The following GNAZ variants were observed in gnomAD, a reference collection of about 807,000 sequenced individuals.
GNAZ encodes the protein guanine nucleotide-binding protein G(z) subunit alpha.
GNAZ carries 3 observed loss-of-function variants against 25.4 expected under a neutral mutation model. That is an observed-to-expected ratio of 0.12 (90% confidence interval 0.05 to 0.30). The LOEUF (loss-of-function observed/expected upper bound fraction) is 0.30. Among genes scored for constraint, GNAZ ranks in the 10% least tolerant of loss-of-function variants. The probability of loss-of-function intolerance (pLI) is 1.00; values close to 1 mark genes in which losing one functional copy is unlikely to be tolerated. For synonymous variants in GNAZ, 211 were observed against 205.7 expected (o/e 1.03, Z -0.22); for missense variants, 241 against 501.8 (o/e 0.48, Z 4.97).
chr22:23,094,547 C>T (rs1357509830), intron 1 of GNAZ, among the ~76,000 whole-genome samples: 1 of 152,196 alleles, frequency 6.6e-6, no homozygotes, highest in African/African-American at 2.4e-5. Flanking sequence ...CACGTGCAGC[C>T]CCCAGCTCCT....
At chr22:23,119,449 T>C (rs2069945285) in intron 2 of GNAZ, among the ~76,000 whole-genome samples, 1 of 152,164 alleles carries the variant, frequency 6.6e-6, no homozygotes, top group South Asian at 2.1e-4. Flanking sequence ...TTGTCCCCCA[T>C]CTCTGAGAGC....
At chr22:23,073,853 C>T (rs1025767446) in intron 1 of GNAZ, among the ~76,000 whole-genome samples, 3 of 151,290 alleles carry the variant, frequency 2.0e-5, no homozygotes, top group African/African-American at 7.3e-5. Context: ...ACCAGACGGG[C>T]AGGGGTTGAC....
intron 2 of GNAZ, among the ~76,000 whole-genome samples, chr22:23,100,759 G>T (rs934444756): frequency 6.6e-6 from 1 of 152,166 alleles, no homozygotes; most frequent in African/African-American, 2.4e-5. Flanking sequence ...GGAAGAGCTG[G>T]AGCTCCAGAG....
chr22:23,119,751 C>G (rs753633169), intron 2 of GNAZ, among the ~76,000 whole-genome samples: 2 of 152,178 alleles, frequency 1.3e-5, no homozygotes, highest in Non-Finnish European at 2.9e-5. Context: ...CTGTCTGAGC[C>G]CGGAAGTGAG....
intron 2 of GNAZ, among the ~76,000 whole-genome samples, chr22:23,120,860 T>G (rs1253524519): frequency 5.3e-5 from 8 of 152,174 alleles, no homozygotes; most frequent in Admixed American, 5.2e-4. Flanking sequence ...CAGCAAGTGT[T>G]TGCTCAGTAA....
At chr22:23,082,135 CA>C (rs77916701) in intron 1 of GNAZ, among the ~76,000 whole-genome samples, 7,618 of 137,426 alleles carry the variant, frequency 0.055, 662 homozygotes, top group African/African-American at 0.18. Context: ...AAAAAAAAAA[CA>C]AAAAAAAAAA....
At position 23,095,406 on chromosome 22, in the gene GNAZ, G is replaced by A. The variant is rs559079877; in HGVS notation, c.-290G>A. 295 of 398,428 alleles carry A rather than the reference G, an allele frequency of 7.4e-4. 2 individuals carry two copies. The highest frequency in any genetic ancestry group is 2.0e-3 in the Middle Eastern group (3 of 1,504). 24.7% of individuals were successfully genotyped at this position (398,428 alleles called of 1,614,324 possible). ...AAACACAAGCGGACGGCTTCCCACC[G>A]TCGCCGAGGACAGGGAATGACTACG... On this transcript the variant is annotated 5_prime_UTR_variant, in exon 2 of 3. Coordinates refer to ENST00000615612, the MANE Select transcript of GNAZ (RefSeq NM_002073.4).
At chr22:23,082,745 G>A (rs888814660) in intron 1 of GNAZ, among the ~76,000 whole-genome samples, 2 of 151,998 alleles carry the variant, frequency 1.3e-5, no homozygotes, top group African/African-American at 4.8e-5. Context: ...GCCCACCCAA[G>A]CGGAAGAGTC....
chr22:23,095,411 C>T lies in GNAZ; in HGVS notation c.-285C>T, dbSNP rs561431682. On this transcript the variant is annotated 5_prime_UTR_variant, in exon 2 of 3. Transcript: ENST00000615612. ...CAAGCGGACGGCTTCCCACCGTCGCCGAGGACAGGGAATGACTACGGCAAA... is the reference window on the plus strand; with the variant it reads ...CAAGCGGACGGCTTCCCACCGTCGCTGAGGACAGGGAATGACTACGGCAAA... 17 of 417,700 alleles carry T rather than the reference C, an allele frequency of 4.1e-5. No homozygotes were observed. The highest frequency in any genetic ancestry group is 6.2e-4 in the Middle Eastern group (1 of 1,602). The allele number at this position is 417,700 out of a possible 1,614,324, so 25.9% of individuals were successfully genotyped here. A position where few individuals can be genotyped will look rare whatever the true frequency, so the allele number is the denominator to read the frequency against.
At chr22:23,096,837 G>A (rs1461923456) in intron 2 of GNAZ, among the ~76,000 whole-genome samples, 2 of 152,256 alleles carry the variant, frequency 1.3e-5, no homozygotes, top group Middle Eastern at 3.2e-3. Flanking sequence ...GTTTAGAAGG[G>A]ATAATCCCAG....
intron 1 of GNAZ, among the ~76,000 whole-genome samples, chr22:23,090,740 C>T (rs539222228): frequency 3.9e-5 from 6 of 152,306 alleles, no homozygotes; most frequent in South Asian, 2.1e-4. Flanking sequence ...ACTTGCAGCC[C>T]GCATGTGCCA....
intron 1 of GNAZ, among the ~76,000 whole-genome samples, chr22:23,075,361 A>C (rs59990120): frequency 0.13 from 19,349 of 152,216 alleles, 1,344 homozygotes; most frequent in South Asian, 0.18. Flanking sequence ...TCTTCACTAA[A>C]TGTCTTGCTT....
intron 1 of GNAZ, among the ~76,000 whole-genome samples, chr22:23,076,023 G>A (rs952410408): frequency 1.3e-5 from 2 of 152,332 alleles, no homozygotes; most frequent in East Asian, 3.9e-4. Flanking sequence ...CATCTGGGCA[G>A]CATGGTCCCT....
rs1018580185 is a variant in GNAZ, at chr22:23,071,054, C to G, written c.-450+484C>G. Among the ~76,000 whole-genome samples, 1 of 152,108 alleles carries G rather than the reference C, an allele frequency of 6.6e-6. No homozygotes were observed. Among genetic ancestry groups the G allele is most frequent in the Non-Finnish European group, 1.5e-5 (1 of 68,004 alleles). On this transcript the variant is annotated intron_variant, in intron 1 of 2. Coordinates refer to ENST00000615612, the MANE Select transcript of GNAZ (RefSeq NM_002073.4). This position sits in a 1 kb window ranked among gnomAD's most constrained non-coding sequence, Gnocchi z 4.1. ...GGAGAGGGCCCCAGAGGCCTGGGCC[C>G]GAGGACCTGGGCCCGCAGACGGACA...
chr22:23,081,399 G>A (rs993953543), intron 1 of GNAZ, among the ~76,000 whole-genome samples: 1 of 152,192 alleles, frequency 6.6e-6, no homozygotes, highest in Admixed American at 6.5e-5. Context: ...GTACACGTGT[G>A]TCATTTCTTA....
chr22:23,119,588 T>C (rs916393522), intron 2 of GNAZ, among the ~76,000 whole-genome samples: 12 of 152,238 alleles, frequency 7.9e-5, no homozygotes, highest in African/African-American at 1.2e-4. Flanking sequence ...AGCCTTCCTG[T>C]TCTATAAAGA....
intron 1 of GNAZ, among the ~76,000 whole-genome samples, chr22:23,077,358 TC>T (rs1214332076): frequency 6.6e-6 from 1 of 152,118 alleles, no homozygotes; most frequent in African/African-American, 2.4e-5. Context: ...GACCTCAGGG[TC>T]CAACCCCATG....
Position 23,095,590 on chromosome 22 carries a change from C to T in GNAZ, c.-106C>T. ...TCACCCCCCTGCTGGCACTGAGTGC[C>T]TCCAGGGCAGCTGGGCTCTTGTCTG... On this transcript the variant is annotated 5_prime_UTR_variant, in exon 2 of 3. Transcript: ENST00000615612. 1 of 1,320,656 alleles carries T rather than the reference C, an allele frequency of 7.6e-7. No homozygotes were observed. Among genetic ancestry groups the T allele is most frequent in the Non-Finnish European group, 1.0e-6 (1 of 975,068 alleles). The allele number at this position is 1,320,656 out of a possible 1,614,324, so 81.8% of individuals were successfully genotyped here.
At chr22:23,101,804 C>A (rs979688514) in intron 2 of GNAZ, among the ~76,000 whole-genome samples, 1 of 152,198 alleles carries the variant, frequency 6.6e-6, no homozygotes, top group East Asian at 1.9e-4. Flanking sequence ...GCCCCCATGG[C>A]AGTGCAGCTT....
Sources: gnomAD v4.1 joint callset for allele counts (sites outside exome capture counted in the v4.1 genomes callset) on GRCh38, gnomAD v4.1.1 for gene constraint, Gnocchi (gnomAD v3.1) non-coding constraint, MANE v1.5 for transcripts, NCBI Gene and HGNC (gene_info 2026-07-23, HGNC 2026-07-21) for gene names.